Variants in ST3GAL1 observed in about 807,000 individuals in gnomAD.
The protein encoded by ST3GAL1 is ST3 beta-galactoside alpha-2,3-sialyltransferase 1.
In ST3GAL1, 16 loss-of-function variants were observed where a neutral mutation model predicts 34.1. The ratio of observed to expected loss-of-function variants is 0.47; its 90% CI spans 0.32 to 0.71. The LOEUF (loss-of-function observed/expected upper bound fraction) is 0.71, where lower values mean the gene tolerates loss of function less well. Ranked by LOEUF, ST3GAL1 falls within the 30% of genes least tolerant of loss-of-function variation. The pLI is 0.04. For synonymous variants in ST3GAL1, 191 were observed against 184.7 expected (o/e 1.03, Z -0.28); for missense variants, 353 against 447.4 (o/e 0.79, Z 1.90).
intron 1 of ST3GAL1, among the ~76,000 whole-genome samples, chr8:133,568,765 A>AT (rs1479314895): frequency 2.0e-5 from 3 of 152,196 alleles, no homozygotes; most frequent in Admixed American, 2.0e-4. Context: ...TCCTTGGGTA[A>AT]TGTCAACTGC....
chr8:133,522,577 T>C (rs145415939), intron 2 of ST3GAL1, among the ~76,000 whole-genome samples: 1,538 of 152,276 alleles, frequency 0.01, 15 homozygotes, highest in Non-Finnish European at 0.013. Flanking sequence ...CTTTACCCTG[T>C]ACCCCAGCTG....
chr8:133,494,575 C>T (rs1816883573), intron 3 of ST3GAL1, among the ~76,000 whole-genome samples: 2 of 152,324 alleles, frequency 1.3e-5, no homozygotes, highest in South Asian at 4.1e-4. Context: ...TATGCCCCTA[C>T]CTACCTGAAG....
chr8:133,555,858 A>ATT (rs150195875), intron 1 of ST3GAL1, among the ~76,000 whole-genome samples: 3 of 147,398 alleles, frequency 2.0e-5, no homozygotes, highest in East Asian at 4.0e-4. Context: ...CAACCTACCC[A>ATT]TTTTTTTTGT....
chr8:133,566,544 G>C (rs1316986065), intron 1 of ST3GAL1, among the ~76,000 whole-genome samples: 1 of 152,014 alleles, frequency 6.6e-6, no homozygotes, highest in East Asian at 1.9e-4. Context: ...CATTGCAGGG[G>C]GTGATCACCC....
intron 3 of ST3GAL1, among the ~76,000 whole-genome samples, chr8:133,494,862 C>T (rs993340553): frequency 6.6e-6 from 1 of 151,586 alleles, no homozygotes. Context: ...ATCCTTGCAG[C>T]AACTGTCCCT....
At chr8:133,557,900 G>A (rs1293402348) in intron 1 of ST3GAL1, among the ~76,000 whole-genome samples, 87 of 122,554 alleles carry the variant, frequency 7.1e-4, no homozygotes, top group South Asian at 1.8e-3. Context: ...GTGAGACTCC[G>A]TCTCAAAAAA....
chr8:133,510,721 T>C (rs1817478924), intron 2 of ST3GAL1, among the ~76,000 whole-genome samples: 1 of 152,218 alleles, frequency 6.6e-6, no homozygotes, highest in South Asian at 2.1e-4. Context: ...CAGCCCAATT[T>C]CAAGTGGATT....
intron 1 of ST3GAL1, among the ~76,000 whole-genome samples, chr8:133,563,437 G>A (rs938510767): frequency 6.6e-6 from 1 of 152,108 alleles, no homozygotes; most frequent in Non-Finnish European, 1.5e-5. Context: ...CCATTGTTTT[G>A]GACTAAGTTT....
chr8:133,486,226 G>A (rs912857625), intron 3 of ST3GAL1, among the ~76,000 whole-genome samples: 1 of 152,232 alleles, frequency 6.6e-6, no homozygotes, highest in African/African-American at 2.4e-5. Context: ...CCAGGCTGAG[G>A]TCGGCCCCTG....
Position 133,513,996 on chromosome 8 carries a change from A to G in ST3GAL1, c.-428-14807T>C, listed in dbSNP as rs527823930. 2.0e-5 allele frequency among the ~76,000 whole-genome samples: 3 copies of G among 152,162 alleles called. No individual in the cohort carries two copies. The South Asian group carries it at 6.2e-4, about 32-fold the overall frequency. On this transcript the variant is annotated intron_variant, in intron 2 of 9. Coordinates refer to ENST00000522652, the MANE Select transcript of ST3GAL1 (RefSeq NM_173344.3). ...AACTAAATGGCAAACCAGGAAGCGT[A>G]TTTTCAGCCCATGTCGGGCACCTGG...
intron 5 of ST3GAL1, among the ~76,000 whole-genome samples, chr8:133,470,141 C>T (rs2130932162): frequency 6.6e-6 from 1 of 152,270 alleles, no homozygotes; most frequent in Non-Finnish European, 1.5e-5. Flanking sequence ...CAGTGCTGGC[C>T]AGGTGCGGTG....
intron 2 of ST3GAL1, among the ~76,000 whole-genome samples, chr8:133,505,215 G>A (rs551119346): frequency 6.6e-6 from 1 of 152,272 alleles, no homozygotes; most frequent in African/African-American, 2.4e-5. Context: ...TTTTAAGGAG[G>A]CACAGAGCCT....
intron 3 of ST3GAL1, among the ~76,000 whole-genome samples, chr8:133,493,396 G>A (rs891778314): frequency 2.6e-5 from 4 of 152,190 alleles, no homozygotes; most frequent in Admixed American, 6.5e-5. Flanking sequence ...GCTAGAGACC[G>A]CCATCTGAAT....
chr8:133,564,119 C>G (rs756311659), intron 1 of ST3GAL1, among the ~76,000 whole-genome samples: 10 of 152,158 alleles, frequency 6.6e-5, no homozygotes, highest in Non-Finnish European at 1.3e-4. Flanking sequence ...TTTACAACAG[C>G]CATCGACAAA....
At chr8:133,497,295 C>G (rs1213000808) in intron 3 of ST3GAL1, among the ~76,000 whole-genome samples, 1 of 152,146 alleles carries the variant, frequency 6.6e-6, no homozygotes, top group Non-Finnish European at 1.5e-5. Context: ...AACTCACAGC[C>G]TTAGTTAAAG....
chr8:133,566,178 GT>G (rs1237878990), intron 1 of ST3GAL1, among the ~76,000 whole-genome samples: 1 of 152,172 alleles, frequency 6.6e-6, no homozygotes, highest in East Asian at 1.9e-4. Flanking sequence ...TAGTAATGCT[GT>G]GTCCTGCCCT....
At chr8:133,558,181 C>T (rs1819113857) in intron 1 of ST3GAL1, among the ~76,000 whole-genome samples, 1 of 152,168 alleles carries the variant, frequency 6.6e-6, no homozygotes, top group African/African-American at 2.4e-5. Flanking sequence ...CACAGAGCTC[C>T]CTACCACAGG....
intron 2 of ST3GAL1, among the ~76,000 whole-genome samples, chr8:133,507,020 A>G (rs1234096406): frequency 6.6e-6 from 1 of 152,078 alleles, no homozygotes; most frequent in African/African-American, 2.4e-5. Flanking sequence ...ACCCAGGCCT[A>G]CAAGTTAGTC....
intron 2 of ST3GAL1, among the ~76,000 whole-genome samples, chr8:133,520,351 C>A (rs539874153): frequency 6.6e-6 from 1 of 152,190 alleles, no homozygotes; most frequent in Non-Finnish European, 1.5e-5. Flanking sequence ...GAGGCAGCCC[C>A]CTCTTCTGGC....
Sources: gnomAD v4.1 joint callset for allele counts (sites outside exome capture counted in the v4.1 genomes callset) on GRCh38, gnomAD v4.1.1 for gene constraint, MANE v1.5 for transcripts, NCBI Gene and HGNC (gene_info 2026-07-23, HGNC 2026-07-21) for gene names.